CIMIP2A: variants seen among roughly 807,000 people sequenced by gnomAD.
CIMIP2A encodes the protein family with sequence similarity 166 member A.
the CIMIP2A span, chr9:137,247,739 G>C: frequency 3.7e-6 from 6 of 1,611,622 alleles, no homozygotes; most frequent in Admixed American, 1.0e-4. Context: ...TGGCCTTGCT[G>C]GCTCCAGTCC....
chr9:137,250,334 G>A, the CIMIP2A span: 1 of 152,328 alleles, frequency 6.6e-6, no homozygotes, highest in Non-Finnish European at 1.5e-5. Context: ...CTGTTCCACT[G>A]GCAGCCAGTC....
chr9:137,253,052 T>A, the CIMIP2A span: 4 of 1,518,534 alleles, frequency 2.6e-6, no homozygotes, highest in Non-Finnish European at 3.6e-6. Context: ...GGGTGGGAAC[T>A]GGGAGCCAGG....
chr9:137,245,055 G>A, the CIMIP2A span: 14 of 1,609,984 alleles, frequency 8.7e-6, no homozygotes, highest in African/African-American at 5.4e-5. Context: ...GGGGAGGGGC[G>A]GCCTTCTCCA....
At chr9:137,245,625 G>T in the CIMIP2A span, 4 of 1,610,830 alleles carry the variant, frequency 2.5e-6, no homozygotes. Context: ...CAGGGCTGGG[G>T]ACTGGCAGCT....
chr9:137,250,197 G>A, the CIMIP2A span: 102,744 of 152,062 alleles, frequency 0.68, 35,393 homozygotes, highest in Admixed American at 0.77. Flanking sequence ...TTTCCCCCAC[G>A]CACCTTCTCA....
chr9:137,253,549 G>C, the CIMIP2A span: 8 of 1,362,614 alleles, frequency 5.9e-6, no homozygotes, highest in African/African-American at 1.5e-5. Context: ...CTGCCGCTGG[G>C]TCATTTCCGG....
chr9:137,245,732 A>G, the CIMIP2A span: 1 of 1,601,138 alleles, frequency 6.2e-7, no homozygotes, highest in Non-Finnish European at 8.5e-7. Context: ...TTGGGTTTGG[A>G]CATGGGGGAC....
At chr9:137,244,637 C>G in the CIMIP2A span, 1 of 1,613,576 alleles carries the variant, frequency 6.2e-7, no homozygotes, top group African/African-American at 1.3e-5. Context: ...ATGGCGCTTT[C>G]CTACCTGGCT....
At chr9:137,245,836 G>A in the CIMIP2A span, 151 of 1,507,654 alleles carry the variant, frequency 1.0e-4, 2 homozygotes, top group East Asian at 3.4e-4. Context: ...GCGCAGCTGC[G>A]GAAAGAAGCC....
the CIMIP2A span, chr9:137,251,389 C>A: frequency 8.1e-6 from 13 of 1,610,448 alleles, no homozygotes; most frequent in Non-Finnish European, 1.1e-5. Flanking sequence ...ACAACCAGAG[C>A]CCACCCAGTA....
chr9:137,247,695 G>A, the CIMIP2A span: 26 of 1,613,294 alleles, frequency 1.6e-5, no homozygotes, highest in Non-Finnish European at 2.1e-5. Context: ...TGAAGAGATC[G>A]TGTTTCTGAG....
At chr9:137,254,582 G>T in the CIMIP2A span, among the ~76,000 whole-genome samples, 1 of 152,258 alleles carries the variant, frequency 6.6e-6, no homozygotes, top group Non-Finnish European at 1.5e-5. Context: ...CAGCGGGAAA[G>T]AAATTTCTAG....
At chr9:137,251,362 G>A in the CIMIP2A span, 26 of 1,613,312 alleles carry the variant, frequency 1.6e-5, no homozygotes, top group Non-Finnish European at 2.1e-5. Context: ...CTGGACCCAT[G>A]GTCACCTGAG....
the CIMIP2A span, chr9:137,245,550 C>T: frequency 4.3e-6 from 7 of 1,613,694 alleles, no homozygotes; most frequent in Admixed American, 6.7e-5. Flanking sequence ...TCTTAGAGGG[C>T]TTCAGACCTG....
the CIMIP2A span, chr9:137,244,482 G>T: frequency 9.4e-6 from 14 of 1,495,710 alleles, no homozygotes; most frequent in Non-Finnish European, 8.0e-6. Context: ...GGAGAGAGGG[G>T]TTGGGGCGGC....
the CIMIP2A span, chr9:137,244,324 C>G: frequency 1.2e-6 from 2 of 1,612,156 alleles, no homozygotes; most frequent in Non-Finnish European, 1.7e-6. Flanking sequence ...AGCTCCCTCC[C>G]CGGCAGGCAA....
chr9:137,253,686 C>T, the CIMIP2A span, among the ~76,000 whole-genome samples: 1 of 152,192 alleles, frequency 6.6e-6, no homozygotes, highest in Non-Finnish European at 1.5e-5. Context: ...GTGGGACACC[C>T]CCACCCAGCC....
chr9:137,253,423 C>T, the CIMIP2A span: 15 of 1,446,066 alleles, frequency 1.0e-5, no homozygotes, highest in East Asian at 2.5e-5. Context: ...AAGGCTGGCC[C>T]AGCCTGGATC....
chr9:137,252,942 C>A, the CIMIP2A span: 2 of 1,599,940 alleles, frequency 1.3e-6, no homozygotes, highest in South Asian at 2.3e-5. Flanking sequence ...CGCTCCCCTG[C>A]GTTCACCTCC....
Sources: gnomAD v4.1 joint callset for allele counts (sites outside exome capture counted in the v4.1 genomes callset) on GRCh38, gnomAD v4.1.1 for gene constraint, MANE v1.5 for transcripts, NCBI Gene and HGNC (gene_info 2026-07-23, HGNC 2026-07-21) for gene names.